Variants in SRPK2 observed in about 807,000 individuals in gnomAD.
The protein encoded by SRPK2 is SRSF protein kinase 2, also known as SFRS protein kinase 2.
In SRPK2, 21 loss-of-function variants were observed where a neutral mutation model predicts 90.8. That is an observed-to-expected ratio of 0.23 (90% CI 0.16 to 0.33). The LOEUF is 0.33. SRPK2 is among the 10% of genes least tolerant of loss of function. The probability of loss-of-function intolerance (pLI) is 1.00; values close to 1 mark genes in which losing one functional copy is unlikely to be tolerated. For missense variants in SRPK2, 620 were observed against 869.0 expected (o/e 0.71, Z 3.60); for synonymous variants, 288 against 311.1 (o/e 0.93, Z 0.78).
At chr7:105,319,375 C>G (rs567686489) in intron 2 of SRPK2, among the ~76,000 whole-genome samples, 2 of 151,952 alleles carry the variant, frequency 1.3e-5, no homozygotes, top group East Asian at 3.9e-4. Context: ...TTAACATTAT[C>G]AAGGCTAAAA....
intron 6 of SRPK2, among the ~76,000 whole-genome samples, chr7:105,163,614 G>C (rs1286991217): frequency 6.6e-6 from 1 of 151,948 alleles, no homozygotes; most frequent in Non-Finnish European, 1.5e-5. Context: ...GACCCACATG[G>C]AGAAATCCCG....
intron 3 of SRPK2, among the ~76,000 whole-genome samples, chr7:105,186,180 T>C (rs1345064242): frequency 1.3e-5 from 2 of 152,220 alleles, no homozygotes; most frequent in Non-Finnish European, 2.9e-5. Flanking sequence ...ATGCCCTTGC[T>C]TATAGGTTTT....
chr7:105,192,390 C>CT (rs1318782485), intron 3 of SRPK2, among the ~76,000 whole-genome samples: 2 of 152,244 alleles, frequency 1.3e-5, no homozygotes, highest in South Asian at 4.1e-4. Context: ...AAATTCATTA[C>CT]TTTTTATGGT....
chr7:105,376,265 G>A (rs1246014360), intron 2 of SRPK2, among the ~76,000 whole-genome samples: 2 of 151,576 alleles, frequency 1.3e-5, no homozygotes, highest in Non-Finnish European at 2.9e-5. Context: ...CCAAAGTGCT[G>A]GGATTACAGG....
chr7:105,353,382 C>CA (rs1196621683), intron 2 of SRPK2, among the ~76,000 whole-genome samples: 4 of 152,078 alleles, frequency 2.6e-5, no homozygotes, highest in Admixed American at 6.6e-5. Context: ...CTCTGTCACC[C>CA]AGGCTGGAAT....
chr7:105,326,323 T>C (rs1563241979), intron 2 of SRPK2, among the ~76,000 whole-genome samples: 1 of 152,188 alleles, frequency 6.6e-6, no homozygotes, highest in Non-Finnish European at 1.5e-5. Flanking sequence ...CAGAGTGACT[T>C]TTTAAAATTT....
intron 2 of SRPK2, among the ~76,000 whole-genome samples, chr7:105,382,668 C>T (rs1267716144): frequency 6.7e-6 from 1 of 148,906 alleles, no homozygotes; most frequent in Non-Finnish European, 1.5e-5. Context: ...AGGTGACATA[C>T]TGTATAATTC....
At chr7:105,185,255 A>C (rs1793428435) in intron 3 of SRPK2, among the ~76,000 whole-genome samples, 1 of 151,986 alleles carries the variant, frequency 6.6e-6, no homozygotes, top group Non-Finnish European at 1.5e-5. Flanking sequence ...AAAATTAAAA[A>C]AAGAGAAAAA....
At chr7:105,344,875 A>G in intron 2 of SRPK2, among the ~76,000 whole-genome samples, 1 of 150,850 alleles carries the variant, frequency 6.6e-6, no homozygotes. Context: ...AGTCACTAAC[A>G]CCTGTAATCC....
intron 7 of SRPK2, among the ~76,000 whole-genome samples, chr7:105,152,810 C>T (rs916087581): frequency 2.0e-5 from 3 of 151,984 alleles, no homozygotes; most frequent in Non-Finnish European, 2.9e-5. Context: ...CCGAAATGGG[C>T]GGATCACAAG....
chr7:105,373,720 A>G (rs1306112681), intron 2 of SRPK2, among the ~76,000 whole-genome samples: 2 of 151,338 alleles, frequency 1.3e-5, no homozygotes, highest in African/African-American at 2.4e-5. Context: ...GACATTTTCT[A>G]AATTTCAGAC....
At chr7:105,127,917 G>A (rs953430427) in intron 13 of SRPK2, among the ~76,000 whole-genome samples, 1 of 152,188 alleles carries the variant, frequency 6.6e-6, no homozygotes, top group Non-Finnish European at 1.5e-5. Context: ...TGTCCCAAAA[G>A]GTGCTCAGAG....
intron 2 of SRPK2, among the ~76,000 whole-genome samples, chr7:105,245,176 A>G (rs1249520689): frequency 6.6e-6 from 1 of 152,124 alleles, no homozygotes; most frequent in Admixed American, 6.5e-5. Flanking sequence ...GGCACCAGAA[A>G]CGTGAACATG....
At chr7:105,170,881 AAG>A (rs1384667139) in intron 3 of SRPK2, among the ~76,000 whole-genome samples, 15 of 130,938 alleles carry the variant, frequency 1.1e-4, no homozygotes, top group African/African-American at 1.4e-4. Flanking sequence ...GAAAGAAAGA[AAG>A]AAAGAAAGAA....
intron 3 of SRPK2, among the ~76,000 whole-genome samples, chr7:105,187,308 C>T (rs1025230503): frequency 2.0e-5 from 3 of 152,192 alleles, no homozygotes; most frequent in Non-Finnish European, 4.4e-5. Context: ...CTACTCAAAC[C>T]TTATCTCTTC....
At chr7:105,170,935 G>A (rs866834793) in intron 3 of SRPK2, among the ~76,000 whole-genome samples, 202 of 10,566 alleles carry the variant, frequency 0.019, 15 homozygotes, top group African/African-American at 0.042. Context: ...AAAGAAAAAG[G>A]AAAGAAAGAA....
At position 105,316,412 on chromosome 7, in the gene SRPK2, T is replaced by C. The variant is rs1014922341; in HGVS notation, c.71+72236A>G. ...TCTCAAGGCCGCTTATAAAGCCTGG[T>C]ATCTACTCACTTACACTACTTTACC... On this transcript the variant is annotated intron_variant, in intron 2 of 15. Transcript: ENST00000393651. Among the ~76,000 whole-genome samples, 5 of 152,312 alleles carry C rather than the reference T, an allele frequency of 3.3e-5. No individual in the cohort carries two copies. In the East Asian group the frequency reaches 7.7e-4, roughly 23 times the overall value.
At chr7:105,305,048 T>G (rs1034616616) in intron 2 of SRPK2, among the ~76,000 whole-genome samples, 21 of 152,242 alleles carry the variant, frequency 1.4e-4, no homozygotes, top group Admixed American at 1.2e-3. Context: ...ATAAATATTA[T>G]TCAAAATACT....
intron 2 of SRPK2, among the ~76,000 whole-genome samples, chr7:105,366,821 A>G (rs1039093233): frequency 6.6e-6 from 1 of 152,150 alleles, no homozygotes; most frequent in Non-Finnish European, 1.5e-5. Flanking sequence ...TTTTTTCACT[A>G]TAGTCATGTA....
Sources: allele counts gnomAD v4.1 joint callset (sites outside exome capture counted in the v4.1 genomes callset), GRCh38; gene constraint gnomAD v4.1.1; transcripts MANE v1.5; gene names NCBI Gene and HGNC (gene_info 2026-07-23, HGNC 2026-07-21).